The following BMPR1B variants were observed in gnomAD, a reference collection of about 807,000 sequenced individuals.
The protein encoded by BMPR1B is bone morphogenetic protein receptor type 1B.
A neutral mutation model predicts 59.1 loss-of-function variants in BMPR1B; 12 were observed. The ratio of observed to expected loss-of-function variants is 0.20; its 90% CI spans 0.13 to 0.33. The LOEUF (loss-of-function observed/expected upper bound fraction) is 0.33, where lower values mean the gene tolerates loss of function less well. BMPR1B is among the 10% of genes least tolerant of loss of function. The pLI is 1.00. For missense variants in BMPR1B, 550 were observed against 610.9 expected, an observed-to-expected ratio of 0.90 and a Z score of 1.05; for synonymous variants, 237 against 207.3, an observed-to-expected ratio of 1.14 and a Z score of -1.23.
intron 1 of BMPR1B, among the ~76,000 whole-genome samples, chr4:94,799,927 G>T (rs1277056750): frequency 1.3e-5 from 2 of 151,478 alleles, no homozygotes; most frequent in Non-Finnish European, 2.9e-5. Flanking sequence ...ATGGCCTCAA[G>T]TGATAACTTG....
At chr4:95,066,532 C>T (rs1727816806) in intron 3 of BMPR1B, among the ~76,000 whole-genome samples, 1 of 152,162 alleles carries the variant, frequency 6.6e-6, no homozygotes, top group African/African-American at 2.4e-5. Flanking sequence ...TTTCTTTCTT[C>T]TGTTTCTAGA....
chr4:95,100,993 C>A (rs562123907), intron 3 of BMPR1B, among the ~76,000 whole-genome samples: 1 of 151,640 alleles, frequency 6.6e-6, no homozygotes, highest in Non-Finnish European at 1.5e-5. Flanking sequence ...ACCTATTTAC[C>A]CTAAATTAGT....
chr4:94,890,839 C>T (rs535437564), intron 2 of BMPR1B, among the ~76,000 whole-genome samples: 1 of 152,030 alleles, frequency 6.6e-6, no homozygotes, highest in South Asian at 2.1e-4. Flanking sequence ...AGTTACCTCC[C>T]AAAGGCTCCA....
chr4:94,856,188 G>GT (rs1455640517), intron 1 of BMPR1B, among the ~76,000 whole-genome samples: 1 of 152,152 alleles, frequency 6.6e-6, no homozygotes, highest in African/African-American at 2.4e-5. Flanking sequence ...TGTTGTTGTT[G>GT]TTTTTTTGAT....
chr4:94,813,693 T>C (rs561843947), intron 1 of BMPR1B, among the ~76,000 whole-genome samples: 231 of 152,210 alleles, frequency 1.5e-3, no homozygotes, highest in Non-Finnish European at 2.0e-3. Flanking sequence ...TAGTCTGCAG[T>C]GGTCCCAGGT....
At chr4:94,873,031 G>A (rs1726563883) in intron 1 of BMPR1B, among the ~76,000 whole-genome samples, 1 of 152,084 alleles carries the variant, frequency 6.6e-6, no homozygotes, top group Admixed American at 6.6e-5. Flanking sequence ...TTTACCTGAT[G>A]TGCTGTACTA....
intron 3 of BMPR1B, among the ~76,000 whole-genome samples, chr4:95,061,609 A>G (rs1213894077): frequency 6.6e-6 from 1 of 152,238 alleles, no homozygotes; most frequent in Non-Finnish European, 1.5e-5. Context: ...TTGAAAGCGA[A>G]GAAAATGAAG....
intron 2 of BMPR1B, among the ~76,000 whole-genome samples, chr4:94,935,575 CAG>C (rs994892815): frequency 7.2e-5 from 11 of 152,198 alleles, no homozygotes; most frequent in African/African-American, 2.6e-4. Flanking sequence ...AAAAATGAAA[CAG>C]AGTAAAAGGA....
intron 4 of BMPR1B, among the ~76,000 whole-genome samples, chr4:95,109,395 A>G (rs1262534868): frequency 1.3e-5 from 2 of 152,070 alleles, no homozygotes; most frequent in Non-Finnish European, 2.9e-5. Flanking sequence ...TAGGGGCTGG[A>G]GCCTTTTTAC....
At chr4:95,096,246 C>T (rs1039497702) in intron 3 of BMPR1B, among the ~76,000 whole-genome samples, 8 of 151,394 alleles carry the variant, frequency 5.3e-5, no homozygotes, top group Non-Finnish European at 1.2e-4. Flanking sequence ...ACCTTATTTC[C>T]TACTACAAGA....
chr4:94,914,394 G>A (rs1728402686), intron 2 of BMPR1B, among the ~76,000 whole-genome samples: 1 of 152,160 alleles, frequency 6.6e-6, no homozygotes, highest in African/African-American at 2.4e-5. Flanking sequence ...GACATAGACA[G>A]CTAGTAATTG....
chr4:95,103,400 A>G (rs996366751), intron 3 of BMPR1B: 4 of 958,128 alleles, frequency 4.2e-6, no homozygotes, highest in Non-Finnish European at 5.0e-6. Context: ...AGATTTCACT[A>G]TAGATAAGCT....
At chr4:95,117,523 C>T (rs1732158156) in intron 6 of BMPR1B, among the ~76,000 whole-genome samples, 1 of 152,038 alleles carries the variant, frequency 6.6e-6, no homozygotes, top group Non-Finnish European at 1.5e-5. Flanking sequence ...TGGCTCACAC[C>T]TGTAATCTCA....
At chr4:94,932,092 A>C (rs1729114290) in intron 2 of BMPR1B, among the ~76,000 whole-genome samples, 1 of 152,144 alleles carries the variant, frequency 6.6e-6, no homozygotes, top group Non-Finnish European at 1.5e-5. Flanking sequence ...TCCAAATAAA[A>C]AGTAAGTGTT....
intron 1 of BMPR1B, among the ~76,000 whole-genome samples, chr4:94,837,424 C>T (rs866469163): frequency 2.2e-5 from 3 of 136,502 alleles, no homozygotes; most frequent in Admixed American, 1.4e-4. Context: ...TTTGTATCCT[C>T]TTATTTCGTT....
chr4:94,864,009 G>A (rs1247703661), intron 1 of BMPR1B, among the ~76,000 whole-genome samples: 1 of 152,204 alleles, frequency 6.6e-6, no homozygotes, highest in Non-Finnish European at 1.5e-5. Flanking sequence ...AGTAATGGAA[G>A]ATTCCAATAG....
chr4:94,830,193 C>T (rs1724526011), intron 1 of BMPR1B, among the ~76,000 whole-genome samples: 1 of 151,900 alleles, frequency 6.6e-6, no homozygotes, highest in African/African-American at 2.4e-5. Context: ...ATTTTTTGGA[C>T]AGCTTCAAAA....
intron 3 of BMPR1B, among the ~76,000 whole-genome samples, chr4:95,073,296 A>G (rs1293059570): frequency 6.6e-6 from 1 of 152,186 alleles, no homozygotes. Context: ...TTTGGCAACT[A>G]GGAAACATTC....
chr4:95,150,158 T>C (rs1410160515), intron 11 of BMPR1B, among the ~76,000 whole-genome samples: 1 of 152,192 alleles, frequency 6.6e-6, no homozygotes, highest in African/African-American at 2.4e-5. Context: ...TTTAAGAAAT[T>C]TGAAATAGAA....
Sources: gnomAD v4.1 joint callset for allele counts (sites outside exome capture counted in the v4.1 genomes callset) on GRCh38, gnomAD v4.1.1 for gene constraint, MANE v1.5 for transcripts, NCBI Gene and HGNC (gene_info 2026-07-23, HGNC 2026-07-21) for gene names.